The following ABCB11 variants were observed in gnomAD, a reference collection of about 807,000 sequenced individuals.
ABCB11 encodes bile salt export pump.
In ABCB11, 95 loss-of-function variants were observed where a neutral mutation model predicts 148.0. The observed-to-expected ratio is 0.64, with a 90% CI of 0.54 to 0.76. The LOEUF is 0.76. Among genes scored for constraint, ABCB11 ranks in the 30% least tolerant of loss-of-function variants. The probability of loss-of-function intolerance (pLI) is 0.00; values close to 1 mark genes in which losing one functional copy is unlikely to be tolerated. For synonymous variants in ABCB11, 591 were observed against 555.4 expected (o/e 1.06, Z -0.90); for missense variants, 1,523 against 1,617.8 (o/e 0.94, Z 1.01).
rs573753280 is a variant in ABCB11 at position 168,953,556 on chromosome 2, C to A, written c.2343+4408G>T. 2.0e-5 allele frequency among the ~76,000 whole-genome samples: 3 copies of A among 151,276 alleles called. No individual in the cohort carries two copies. In the South Asian group the frequency reaches 6.2e-4, roughly 31 times the overall value. On this transcript the variant is annotated intron_variant, in intron 19 of 27. Coordinates refer to ENST00000650372, the MANE Select transcript of ABCB11 (RefSeq NM_003742.4). ...CATTTGCATGGAATATCTTTTTACG[C>A]CCCATTACTCTCAGTCTATATGTGT...
chr2:168,982,758 G>C (rs1482056350), intron 10 of ABCB11, among the ~76,000 whole-genome samples: 1 of 151,982 alleles, frequency 6.6e-6, no homozygotes, highest in Non-Finnish European at 1.5e-5. Context: ...CAGAAGTGTG[G>C]CCAAGACCTG....
chr2:168,936,458 C>A lies in ABCB11; in HGVS notation c.2611-25G>T, dbSNP rs11568379. On this transcript the variant is annotated intron_variant, in intron 21 of 27. Coordinates refer to ENST00000650372, the MANE Select transcript of ABCB11 (RefSeq NM_003742.4). ...CCTGCAAACCAAAAAGCAATCAACC[C>A]GTCTCAGACACACAGTCGCTTTTAC... 9 of 1,610,642 alleles carry A rather than the reference C, an allele frequency of 5.6e-6. No homozygotes were observed. The African/African-American group carries it at 1.2e-4, about 22-fold the overall frequency.
At chr2:168,981,018 C>G (rs1053820286) in intron 10 of ABCB11, among the ~76,000 whole-genome samples, 4 of 152,140 alleles carry the variant, frequency 2.6e-5, no homozygotes, top group African/African-American at 9.7e-5. Context: ...ATTGCCAAGC[C>G]AAAGAGTGGC....
intron 5 of ABCB11, among the ~76,000 whole-genome samples, chr2:168,997,689 T>A (rs1012594636): frequency 6.6e-6 from 1 of 152,044 alleles, no homozygotes; most frequent in African/African-American, 2.4e-5. Context: ...CAGCCTTCTT[T>A]TTGTGGCTTG....
intron 7 of ABCB11, among the ~76,000 whole-genome samples, chr2:168,994,441 G>T (rs561294237): frequency 4.6e-5 from 7 of 152,220 alleles, no homozygotes; most frequent in African/African-American, 1.7e-4. Flanking sequence ...TTTGAATACA[G>T]ACTCTTGTTG....
At position 168,957,875 on chromosome 2, in the gene ABCB11, G is replaced by A. The variant is rs1692865049; in HGVS notation, c.2343+89C>T. On this transcript the variant is annotated intron_variant, in intron 19 of 27. Transcript: ENST00000650372. ...GAGAAAAATGAACTAACAGAAAAGA[G>A]CTAAATACATGAAAACAAAGAGCGG... 7.3e-6 allele frequency: 9 copies of A among 1,225,286 alleles called. No homozygotes were observed. In the South Asian group the frequency reaches 2.1e-4, roughly 28 times the overall value. 75.9% of individuals were successfully genotyped at this position (1,225,286 alleles called of 1,614,324 possible). A position where few individuals can be genotyped will look rare whatever the true frequency, so the allele number is the denominator to read the frequency against.
chr2:168,996,364 G>C lies in ABCB11; in HGVS notation c.477+271C>G, dbSNP rs76442712. 9.4e-3 allele frequency among the ~76,000 whole-genome samples: 1,426 copies of C among 152,068 alleles called. 26 individuals are homozygous for C. Among genetic ancestry groups the C allele is most frequent in the African/African-American group, 0.031 (1,267 of 41,496 alleles). ...ACACACCTGCAAATGTCCATTTCTG[G>C]ATATAGAAGAGAGGATGAAGTAGGG... is the stretch of plus-strand genomic sequence containing the variant. On this transcript the variant is annotated intron_variant, in intron 6 of 27. Coordinates refer to ENST00000650372, the MANE Select transcript of ABCB11 (RefSeq NM_003742.4).
Position 168,969,393 on chromosome 2 carries a change from C to G in ABCB11, c.1968G>C (p.Leu656Phe), listed in dbSNP as rs759772174. The change falls in exon 16 of 28, where the codon TTG (leucine) becomes TTC (phenylalanine). Residue 656 changes from leucine (L) to phenylalanine (F), a missense_variant. Coordinates refer to ENST00000650372, the MANE Select transcript of ABCB11 (RefSeq NM_003742.4). ...RKGVYFTLVT[L>F]QSQGNQALNE... ...TAAGAGCTTGATTTCCCTGGCTTTGCAAAGTCACTAGAGTGAAGTAAACAC... is the reference window on the plus strand; with the variant it reads ...TAAGAGCTTGATTTCCCTGGCTTTGGAAAGTCACTAGAGTGAAGTAAACAC... The G allele has an allele frequency of 6.2e-7, 1 of 1,612,574 alleles. No homozygotes were observed. Among genetic ancestry groups the G allele is most frequent in the South Asian group, 1.1e-5 (1 of 91,004 alleles).
In ABCB11 at chr2:169,015,146, T is replaced by G. The variant is rs533006752; in HGVS notation, c.99-792A>C. Among the ~76,000 whole-genome samples the G allele has an allele frequency of 2.3e-4, 35 of 152,248 alleles. 1 individual carries two copies. Among genetic ancestry groups the G allele is most frequent in the Admixed American group, 4.6e-4 (7 of 15,290 alleles). On this transcript the variant is annotated intron_variant, in intron 3 of 27. Transcript: ENST00000650372. ...CATTAAGATTTTGCTTCCTTCCCCATGCAGCCAAGGTCCCTCTGCCAGGCA... is the reference window on the plus strand; with the variant it reads ...CATTAAGATTTTGCTTCCTTCCCCAGGCAGCCAAGGTCCCTCTGCCAGGCA...
intron 10 of ABCB11, among the ~76,000 whole-genome samples, chr2:168,982,420 A>G (rs1468991621): frequency 1.3e-5 from 2 of 152,132 alleles, no homozygotes; most frequent in Non-Finnish European, 2.9e-5. Flanking sequence ...CTTTGTATAT[A>G]CTGAATGAAT....
In ABCB11 at chr2:169,002,657, T is replaced by C. The variant is rs550784210; in HGVS notation, c.390-5935A>G. Among the ~76,000 whole-genome samples the C allele has an allele frequency of 1.7e-3, 257 of 152,282 alleles. 2 individuals are homozygous for C. Among genetic ancestry groups the C allele is most frequent in the African/African-American group, 6.0e-3 (251 of 41,572 alleles). On this transcript the variant is annotated intron_variant, in intron 5 of 27. Transcript: ENST00000650372. ...ACACAGATGCACCTCGAGTATATCA[T>C]GTTAAGTGAAATAAGCCAGGCACAG...
chr2:168,989,804 AGT>A, intron 9 of ABCB11, among the ~76,000 whole-genome samples: 1 of 152,054 alleles, frequency 6.6e-6, no homozygotes, highest in South Asian at 2.1e-4. Flanking sequence ...ATTTGTTGAG[AGT>A]TTCTGTCAGG....
chr2:168,958,211 A>G, intron 18 of ABCB11, 83 bp from the exon 19 acceptor site: 1 of 1,378,820 alleles, frequency 7.3e-7, no homozygotes, highest in Non-Finnish European at 1.0e-6. Context: ...CACAGATTTA[A>G]GAGTCATAGT....
At chr2:168,940,843 G>A (rs1692030671) in intron 21 of ABCB11, among the ~76,000 whole-genome samples, 1 of 151,922 alleles carries the variant, frequency 6.6e-6, no homozygotes, top group African/African-American at 2.4e-5. Flanking sequence ...AAAATTCTAG[G>A]CCCCTAAGAG....
intron 21 of ABCB11, among the ~76,000 whole-genome samples, chr2:168,937,366 C>T (rs1481062885): frequency 1.3e-5 from 2 of 152,058 alleles, no homozygotes; most frequent in South Asian, 2.1e-4. Flanking sequence ...TGGATATAGA[C>T]CTAGGAGTGG....
At chr2:168,969,262 G>A (rs1049535596) in intron 16 of ABCB11, 88 bp downstream of exon 16, 95 of 1,234,026 alleles carry the variant, frequency 7.7e-5, no homozygotes, top group Non-Finnish European at 1.0e-4. Context: ...TGGGAGAACA[G>A]TGAGTATTGA....
intron 19 of ABCB11, 54 bp from the exon 20 acceptor site, chr2:168,945,015 C>A: frequency 8.1e-7 from 1 of 1,241,134 alleles, no homozygotes; most frequent in East Asian, 2.6e-5. Context: ...AAAAATAAAT[C>A]TATTTACATG....
intron 19 of ABCB11, among the ~76,000 whole-genome samples, chr2:168,945,418 T>C (rs1692261601): frequency 6.6e-6 from 1 of 151,990 alleles, no homozygotes; most frequent in Admixed American, 6.6e-5. Context: ...CCAATGGTGA[T>C]GACTTACAGA....
intron 1 of ABCB11, among the ~76,000 whole-genome samples, chr2:169,022,881 T>A (rs191666967): frequency 4.3e-4 from 65 of 152,260 alleles, no homozygotes; most frequent in Admixed American, 1.3e-3. Context: ...AAATAATTAA[T>A]CATTTTCATA....
Sources: gnomAD v4.1 joint callset for allele counts (sites outside exome capture counted in the v4.1 genomes callset) on GRCh38, gnomAD v4.1.1 for gene constraint, MANE v1.5 for transcripts, NCBI Gene and HGNC (gene_info 2026-07-23, HGNC 2026-07-21) for gene names.